Variants in MAP3K3 observed in about 807,000 individuals in gnomAD.
MAP3K3 encodes the protein mitogen-activated protein kinase kinase kinase 3.
Under a neutral mutation model 80.9 loss-of-function variants are expected in MAP3K3, and 12 were observed. The ratio of observed to expected loss-of-function variants is 0.15; its 90% CI spans 0.10 to 0.24. The LOEUF is 0.24. MAP3K3 is among the 10% of genes least tolerant of loss of function. The pLI is 1.00. For missense variants in MAP3K3, 596 were observed against 834.7 expected (o/e 0.71, Z 3.52); for synonymous variants, 272 against 307.1 (o/e 0.89, Z 1.19).
rs2035602522 is a variant in MAP3K3 at position 63,692,017 on chromosome 17, TGA to T, written c.1474+160_1474+161del. On this transcript the variant is annotated intron_variant, in intron 14 of 15. Transcript: ENST00000361733. The surrounding 1 kb of genome is among the most constrained non-coding windows in gnomAD (Gnocchi z 4.5). The stretch of plus-strand genomic sequence containing the variant: ...AACTGGTGAGATTGGTTGAGCAATA[TGA>T]GAGAATATTGCCAAGTTCCCTCTAC... 6.6e-6 allele frequency among the ~76,000 whole-genome samples: 1 copy of T among 152,156 alleles called. No individual in the cohort carries two copies. The highest frequency in any genetic ancestry group is 6.5e-5 in the Admixed American group (1 of 15,274).
intron 5 of MAP3K3, among the ~76,000 whole-genome samples, chr17:63,664,203 C>T (rs950718160): frequency 2.1e-5 from 3 of 144,384 alleles, no homozygotes; most frequent in South Asian, 2.2e-4. Context: ...GCCGAGATCG[C>T]GCCACTGCAC....
chr17:63,643,582 A>G (rs1475289552), intron 2 of MAP3K3, among the ~76,000 whole-genome samples: 1 of 152,210 alleles, frequency 6.6e-6, no homozygotes. Flanking sequence ...TCTGCTCTGT[A>G]TGCTCAGTTT....
chr17:63,644,040 TGTAAAATAGGGATAATAA>T (rs2034495615), intron 2 of MAP3K3, among the ~76,000 whole-genome samples: 3 of 152,206 alleles, frequency 2.0e-5, no homozygotes, highest in Non-Finnish European at 4.4e-5. Flanking sequence ...AGTTATTTTC[TGTAAAATAGGGATAATAA>T]TGGTACTTGT....
At chr17:63,678,858 T>C (rs1472750785) in intron 6 of MAP3K3, among the ~76,000 whole-genome samples, 2 of 151,734 alleles carry the variant, frequency 1.3e-5, no homozygotes, top group African/African-American at 4.8e-5. Flanking sequence ...GGTGAAACCC[T>C]GTCTCTACTA....
intron 5 of MAP3K3, among the ~76,000 whole-genome samples, chr17:63,664,409 A>T (rs2143444033): frequency 6.6e-6 from 1 of 152,294 alleles, no homozygotes; most frequent in Non-Finnish European, 1.5e-5. Context: ...ACTGGACAGG[A>T]TGCTCTTGGT....
In MAP3K3 at chr17:63,634,870, G is replaced by A. The variant is rs571721822; in HGVS notation, c.126+2068G>A. On this transcript the variant is annotated intron_variant, in intron 2 of 15. Transcript: ENST00000361733. ...ATCTGCTACTCATGCTGCAACAGCA[G>A]AATTCACTTCCCAGACAAGTTGTTT... The A allele has an allele frequency of 2.1e-5, 28 of 1,318,596 alleles. No homozygotes were observed. The African/African-American group carries it at 2.5e-4, about 12-fold the overall frequency. 81.7% of individuals were successfully genotyped at this position (1,318,596 alleles called of 1,614,324 possible).
intron 4 of MAP3K3, among the ~76,000 whole-genome samples, chr17:63,656,086 C>T (rs773404820): frequency 2.0e-5 from 3 of 151,786 alleles, no homozygotes; most frequent in South Asian, 2.1e-4. Context: ...AAAAATTAGT[C>T]GGGTGTGGTG....
chr17:63,666,866 G>A, intron 5 of MAP3K3, 74 bp from the exon 6 acceptor site: 1 of 1,571,318 alleles, frequency 6.4e-7, no homozygotes, highest in Non-Finnish European at 8.6e-7. Context: ...GAGTCCTTAG[G>A]AAAAGGGTGA....
chr17:63,689,571 G>A lies in MAP3K3; in HGVS notation c.899G>A (p.Arg300His), dbSNP rs199571831. The change falls in exon 11 of 16, where the codon CGT becomes CAT. Residue 300 changes from arginine (R) to histidine (H), a missense_variant. By Grantham distance (29) the Arg-to-His change is conservative (BLOSUM62 0). This residue lies in a region of MAP3K3 where 364 missense variants were observed against 588.9 expected (regional missense o/e 0.62). Transcript: ENST00000361733. The surrounding 1 kb of genome is among the most constrained non-coding windows in gnomAD (Gnocchi z 4.3). The part of the protein sequence containing the change: ...DGRRTFPRIR[R>H]HQGNLFTLVP... ...AGAAGAACATTTCCCCGAATACGGC[G>A]TCATCAAGGCAACTTGTTCACCCTG... 3.2e-5 allele frequency: 51 copies of A among 1,613,594 alleles called. No individual in the cohort carries two copies. Among genetic ancestry groups the A allele is most frequent in the Middle Eastern group, 1.6e-4 (1 of 6,062 alleles).
At chr17:63,623,556 G>A (rs1330980075) in intron 1 of MAP3K3, among the ~76,000 whole-genome samples, 1 of 152,172 alleles carries the variant, frequency 6.6e-6, no homozygotes, top group Non-Finnish European at 1.5e-5. Context: ...CTTTTTGTCA[G>A]TATTTACAAT....
In MAP3K3 at chr17:63,660,667, A is replaced by G. The variant is rs531410996; in HGVS notation, c.381+2760A>G. On this transcript the variant is annotated intron_variant, in intron 5 of 15. Transcript: ENST00000361733. ...GAGTGCAGGGGTGTGATCTTGGCTC[A>G]CCGCAACCTCTGGCTTCCAGGTTCA... 9.9e-5 allele frequency among the ~76,000 whole-genome samples: 15 copies of G among 151,142 alleles called. No homozygotes were observed. In the East Asian group the frequency reaches 2.7e-3, roughly 27 times the overall value.
At chr17:63,652,692 G>C (rs1169698280) in intron 4 of MAP3K3, 36 bp downstream of exon 4, 1 of 1,344,256 alleles carries the variant, frequency 7.4e-7, no homozygotes, top group South Asian at 1.2e-5. Flanking sequence ...GGACAAGAGG[G>C]GCAGATGCCT....
chr17:63,674,397 T>A (rs1322732509), intron 6 of MAP3K3, among the ~76,000 whole-genome samples: 4 of 152,066 alleles, frequency 2.6e-5, no homozygotes, highest in African/African-American at 9.7e-5. Flanking sequence ...AAACCCCATC[T>A]CTCTGTCACC....
intron 6 of MAP3K3, among the ~76,000 whole-genome samples, chr17:63,676,263 C>G (rs1164305375): frequency 6.6e-6 from 1 of 152,240 alleles, no homozygotes; most frequent in East Asian, 1.9e-4. Context: ...CCCCCAGACC[C>G]TCCTGGGTCT....
At chr17:63,646,279 A>G (rs2034540190) in intron 3 of MAP3K3, among the ~76,000 whole-genome samples, 1 of 152,150 alleles carries the variant, frequency 6.6e-6, no homozygotes, top group African/African-American at 2.4e-5. Context: ...ATTGGAAGCC[A>G]TTTCAACTGC....
chr17:63,623,785 A>G (rs1018056794), intron 1 of MAP3K3, among the ~76,000 whole-genome samples: 1 of 152,230 alleles, frequency 6.6e-6, no homozygotes, highest in Non-Finnish European at 1.5e-5. Context: ...GCCCTAAATA[A>G]TAATAAAAGG....
At position 63,676,573 on chromosome 17, in the gene MAP3K3, G is replaced by T. The variant is rs147507638; in HGVS notation, c.503-5193G>T. 8.5e-3 allele frequency among the ~76,000 whole-genome samples: 1,296 copies of T among 152,336 alleles called. 22 individuals are homozygous for T. The highest frequency in any genetic ancestry group is 0.029 in the African/African-American group (1,220 of 41,576). The stretch of plus-strand genomic sequence containing the variant: ...TATAATACAGCTCCAGAGTGTGTTG[G>T]TCAGAGTTCAGTTGTGCAGAGGAGA... On this transcript the variant is annotated intron_variant, in intron 6 of 15. Coordinates refer to ENST00000361733, the MANE Select transcript of MAP3K3 (RefSeq NM_002401.5).
chr17:63,638,408 C>T (rs1182243412), intron 2 of MAP3K3, among the ~76,000 whole-genome samples: 1 of 152,096 alleles, frequency 6.6e-6, no homozygotes, highest in East Asian at 1.9e-4. Flanking sequence ...AGTTCATAAA[C>T]CTTTGGTTAA....
rs542366852 is a variant in MAP3K3 at position 63,684,054 on chromosome 17, C to T, written c.637-1463C>T. ...ACACCTGCCTGTAGTCCCAGCTACTCGGGAGGCTGAGGTGGGAGGATCACT... is the reference window on the plus strand; with the variant it reads ...ACACCTGCCTGTAGTCCCAGCTACTTGGGAGGCTGAGGTGGGAGGATCACT... On this transcript the variant is annotated intron_variant, in intron 7 of 15. Coordinates refer to ENST00000361733, the MANE Select transcript of MAP3K3 (RefSeq NM_002401.5). Among the ~76,000 whole-genome samples, 368 of 152,200 alleles carry T rather than the reference C, an allele frequency of 2.4e-3. 2 individuals carry two copies. Among genetic ancestry groups the T allele is most frequent in the African/African-American group, 8.1e-3 (337 of 41,528 alleles).
Sources: allele counts gnomAD v4.1 joint callset (sites outside exome capture counted in the v4.1 genomes callset), GRCh38; gene constraint gnomAD v4.1.1; regional missense constraint gnomAD v4.1.1; non-coding constraint Gnocchi (gnomAD v3.1); transcripts MANE v1.5; gene names NCBI Gene and HGNC (gene_info 2026-07-23, HGNC 2026-07-21).